STARD10: variants seen among roughly 807,000 people sequenced by gnomAD.
The protein encoded by STARD10 is StAR related lipid transfer domain containing 10.
STARD10 carries 24 observed loss-of-function variants against 36.0 expected under a neutral mutation model. The observed-to-expected ratio is 0.67, with a 90% CI of 0.48 to 0.94. STARD10 has a LOEUF of 0.94. Ranked by LOEUF, STARD10 falls within the 40% of genes least tolerant of loss-of-function variation. The pLI, the probability that STARD10 is intolerant of heterozygous loss-of-function variation, is 0.00. For synonymous variants in STARD10, 156 were observed against 161.9 expected, an observed-to-expected ratio of 0.96 and a Z score of 0.28; for missense variants, 335 against 396.6, an observed-to-expected ratio of 0.84 and a Z score of 1.32.
chr11:72,760,461 T>C lies in STARD10; in HGVS notation c.208-1080A>G, dbSNP rs140795551. ...CAGGCTGGTCTCTAACTCCTGACCT[T>C]GTGATCCACCTGCCTCTGCCTCCAA... On this transcript the variant is annotated intron_variant, in intron 2 of 6. Coordinates refer to ENST00000334805, the MANE Select transcript of STARD10 (RefSeq NM_006645.3). Among the ~76,000 whole-genome samples, 683 of 152,192 alleles carry C rather than the reference T, an allele frequency of 4.5e-3. 5 individuals carry two copies. The highest frequency in any genetic ancestry group is 0.016 in the African/African-American group (660 of 41,502).
chr11:72,761,481 G>A (rs1260292355), intron 2 of STARD10, among the ~76,000 whole-genome samples: 1 of 152,160 alleles, frequency 6.6e-6, no homozygotes, highest in Non-Finnish European at 1.5e-5. Flanking sequence ...AATAGGTTGG[G>A]CGCGGTGGCT....
chr11:72,765,122 C>A (rs191951244), intron 2 of STARD10, among the ~76,000 whole-genome samples: 1 of 152,086 alleles, frequency 6.6e-6, no homozygotes, highest in African/African-American at 2.4e-5. Flanking sequence ...ACAAAATTAG[C>A]CGGGGTGGTG....
chr11:72,780,753 A>G, intron 2 of STARD10: 1 of 584,314 alleles, frequency 1.7e-6, no homozygotes, highest in Non-Finnish European at 3.1e-6. Flanking sequence ...GTTCCAGCTG[A>G]GAGAGGCAGG....
intron 2 of STARD10, among the ~76,000 whole-genome samples, chr11:72,764,946 AC>A (rs1006731812): frequency 1.3e-5 from 2 of 152,192 alleles, no homozygotes; most frequent in African/African-American, 4.8e-5. Context: ...GACAGCAGGG[AC>A]CCCGACATGC....
chr11:72,785,103 G>A (rs7121935), intron 1 of STARD10, among the ~76,000 whole-genome samples: 50,268 of 151,846 alleles, frequency 0.33, 8,609 homozygotes, highest in Middle Eastern at 0.4. Flanking sequence ...GTTGGGGGAG[G>A]GGTCAGGGCA....
rs1308413527 is a variant in STARD10, at chr11:72,781,029, C to G, written c.153G>C (p.Gly51=). The G allele has an allele frequency of 6.2e-7, 1 of 1,614,180 alleles. No individual in the cohort carries two copies. The highest frequency in any genetic ancestry group is 1.6e-4 in the Middle Eastern group (1 of 6,062). Residue 51 remains glycine, a synonymous_variant, in exon 2 of 7, where the codon GGG becomes GGC. Transcript: ENST00000334805. This position sits in a 1 kb window ranked among gnomAD's most constrained non-coding sequence, Gnocchi z 4.7. ...VGWNLTYSRA[G]VSVWVQAVEM... ...CCACAGCCTGCACCCAGACAGACAC[C>G]CCAGCCCTGCTATAGGTCAGGTTCC...
intron 2 of STARD10, among the ~76,000 whole-genome samples, chr11:72,777,920 C>G (rs190057843): frequency 2.8e-4 from 43 of 152,122 alleles, no homozygotes; most frequent in Non-Finnish European, 5.3e-4. Flanking sequence ...GGGGACAGGC[C>G]CAGAGCAGGC....
chr11:72,755,655 C>G lies in STARD10; in HGVS notation c.630+46G>C, dbSNP rs1858634169. 3.7e-6 allele frequency: 6 copies of G among 1,606,006 alleles called. No homozygotes were observed. The South Asian group carries it at 6.6e-5, about 18-fold the overall frequency. On this transcript the variant is annotated intron_variant, in intron 6 of 6. Coordinates refer to ENST00000334805, the MANE Select transcript of STARD10 (RefSeq NM_006645.3). ...TCCACCCACCTCATTCCATAGTCCT[C>G]TTTCCAGTCTTCAACACCCCTCCCC... is the stretch of plus-strand genomic sequence containing the variant.
intron 2 of STARD10, among the ~76,000 whole-genome samples, chr11:72,763,254 C>G (rs1045194364): frequency 3.3e-5 from 5 of 152,014 alleles, no homozygotes; most frequent in Admixed American, 3.3e-4. Context: ...AAATAGGAAA[C>G]CAAAGTCTAT....
chr11:72,770,365 G>T (rs148492444), intron 2 of STARD10, among the ~76,000 whole-genome samples: 1 of 152,142 alleles, frequency 6.6e-6, no homozygotes, highest in East Asian at 1.9e-4. Flanking sequence ...TTACAGGTGT[G>T]TGCCATCGCG....
At position 72,793,130 on chromosome 11, in the gene STARD10, CAGG is replaced by C. The variant is rs1859170125; in HGVS notation, c.-372_-370del. 1 of 152,282 alleles carries C rather than the reference CAGG, an allele frequency of 6.6e-6. No homozygotes were observed. The highest frequency in any genetic ancestry group is 2.4e-5 in the African/African-American group (1 of 41,468). The allele number at this position is 152,282 out of a possible 1,614,324, so 9.4% of individuals were successfully genotyped here. ...CAAGGAAGGGCTCCAGGCCCAAAGG[CAGG>C]AGGATTAGGCTTTAGCTCTTGCTCA... On this transcript the variant is annotated 5_prime_UTR_variant, in exon 1 of 7. Coordinates refer to ENST00000334805, the MANE Select transcript of STARD10 (RefSeq NM_006645.3).
At chr11:72,763,381 C>T (rs1858746250) in intron 2 of STARD10, among the ~76,000 whole-genome samples, 1 of 152,172 alleles carries the variant, frequency 6.6e-6, no homozygotes, top group Admixed American at 6.5e-5. Flanking sequence ...TTAGTCACTT[C>T]ATAGTAGAGA....
At chr11:72,792,020 ATAC>A (rs1859149426) in intron 1 of STARD10, among the ~76,000 whole-genome samples, 1 of 138,174 alleles carries the variant, frequency 7.2e-6, no homozygotes, top group Non-Finnish European at 1.5e-5. Context: ...GACTACCGGC[ATAC>A]ACCACCACAC....
At chr11:72,769,927 A>AG (rs1479318396) in intron 2 of STARD10, among the ~76,000 whole-genome samples, 2 of 152,154 alleles carry the variant, frequency 1.3e-5, no homozygotes, top group African/African-American at 4.8e-5. Context: ...GAACCCAGAC[A>AG]GGCCTATAGG....
chr11:72,757,908 G>T, intron 4 of STARD10, 24 bp from the exon 5 acceptor site: 1 of 1,605,950 alleles, frequency 6.2e-7, no homozygotes, highest in Non-Finnish European at 8.5e-7. Flanking sequence ...GCACAGGGAG[G>T]TGAGACTCGG....
At chr11:72,764,091 A>G (rs1267021868) in intron 2 of STARD10, among the ~76,000 whole-genome samples, 1 of 152,178 alleles carries the variant, frequency 6.6e-6, no homozygotes, top group Non-Finnish European at 1.5e-5. Context: ...ATCTTCAAAC[A>G]TGTTATCCTG....
intron 4 of STARD10, 159 bp from the exon 5 acceptor site, chr11:72,758,043 G>A: frequency 2.8e-6 from 2 of 715,316 alleles, no homozygotes; most frequent in East Asian, 2.6e-5. Flanking sequence ...CAGAGAAAGG[G>A]AAGAACCAGA....
chr11:72,778,613 C>T (rs1360091786), intron 2 of STARD10, among the ~76,000 whole-genome samples: 1 of 152,198 alleles, frequency 6.6e-6, no homozygotes, highest in Non-Finnish European at 1.5e-5. Context: ...CCCACCCTCT[C>T]TCCATTGTAG....
At chr11:72,758,184 A>T (rs909609293) in intron 4 of STARD10, among the ~76,000 whole-genome samples, 8 of 152,094 alleles carry the variant, frequency 5.3e-5, no homozygotes, top group African/African-American at 1.9e-4. Context: ...GGCCAGCTAT[A>T]CCTGCCTGTC....
Sources: allele counts gnomAD v4.1 joint callset (sites outside exome capture counted in the v4.1 genomes callset), GRCh38; gene constraint gnomAD v4.1.1; non-coding constraint Gnocchi (gnomAD v3.1); transcripts MANE v1.5; gene names NCBI Gene and HGNC (gene_info 2026-07-23, HGNC 2026-07-21).